PPM1D: variants seen among roughly 807,000 people sequenced by gnomAD.
PPM1D encodes the protein protein phosphatase 1D.
A neutral mutation model predicts 58.3 loss-of-function variants in PPM1D; 52 were observed. That is an observed-to-expected ratio of 0.89 (90% CI 0.71 to 1.12). The LOEUF (loss-of-function observed/expected upper bound fraction) is 1.12. Ranked by LOEUF, PPM1D falls within the 50% of genes most tolerant of loss-of-function variation. The pLI is 0.00. For synonymous variants in PPM1D, 278 were observed against 285.1 expected (o/e 0.98, Z 0.25); for missense variants, 564 against 777.2 (o/e 0.73, Z 3.26).
rs1054037301 is a variant in PPM1D, at chr17:60,665,928, A to T, written c.*2376A>T. 6.6e-6 allele frequency: 1 copy of T among 152,198 alleles called. No individual in the cohort carries two copies. The highest frequency in any genetic ancestry group is 1.5e-5 in the Non-Finnish European group (1 of 68,030). 9.4% of individuals were successfully genotyped at this position (152,198 alleles called of 1,614,324 possible). ...ACCGGAGGGCAAGGAAGAAGCCATG[A>T]TGTTTTTTGTAACCTAGCCTCTGAA... On this transcript the variant is annotated 3_prime_UTR_variant, in exon 6 of 6. Transcript: ENST00000305921.
rs555255010 is a variant in PPM1D, at chr17:60,655,645, C to T, written c.1018-954C>T. 4.0e-5 allele frequency among the ~76,000 whole-genome samples: 6 copies of T among 151,804 alleles called. No individual in the cohort carries two copies. In the South Asian group the frequency reaches 8.3e-4, roughly 21 times the overall value. On this transcript the variant is annotated intron_variant, in intron 4 of 5. Transcript: ENST00000305921. ...TAAAGGCGTGAGCCACCACACCTGG[C>T]TACTTTCTTTTTAAGTAACTTCTTT...
intron 2 of PPM1D, among the ~76,000 whole-genome samples, chr17:60,625,873 A>G (rs982299434): frequency 1.3e-5 from 2 of 152,122 alleles, no homozygotes; most frequent in African/African-American, 4.8e-5. Context: ...GGCGACATTC[A>G]TTTGGTTCAA....
intron 2 of PPM1D, among the ~76,000 whole-genome samples, chr17:60,626,906 G>A (rs2030821878): frequency 6.6e-6 from 1 of 152,020 alleles, no homozygotes; most frequent in Non-Finnish European, 1.5e-5. Context: ...ATATTTAAGA[G>A]CCATTTATAT....
At chr17:60,643,515 A>T (rs2031177086) in intron 3 of PPM1D, among the ~76,000 whole-genome samples, 1 of 152,196 alleles carries the variant, frequency 6.6e-6, no homozygotes, top group African/African-American at 2.4e-5. Flanking sequence ...ATAATAATTG[A>T]TTCATTCAGG....
intron 1 of PPM1D, among the ~76,000 whole-genome samples, chr17:60,621,565 T>C (rs78376422): frequency 7.7e-6 from 1 of 129,154 alleles, no homozygotes; most frequent in Non-Finnish European, 1.5e-5. Context: ...TTTTTTGTAT[T>C]TTTTTTTTTT....
In PPM1D at chr17:60,663,536, CTGTT is replaced by C. The variant is rs745470366; in HGVS notation, c.1806_1809del (p.Cys603PhefsTer21). The C allele has an allele frequency of 5.6e-6, 9 of 1,607,778 alleles. No individual in the cohort carries two copies. Among genetic ancestry groups the C allele is most frequent in the South Asian group, 4.4e-5 (4 of 91,060 alleles). On this transcript the variant is annotated frameshift_variant, in exon 6 of 6. Coordinates refer to ENST00000305921, the MANE Select transcript of PPM1D (RefSeq NM_003620.4). LOFTEE classifies it high-confidence loss of function. ...CCTTTACTTCATCAACACAGGAAAA[CTGTT>C]TGTGTTTGCTGAAATGCATCTGGGA... is the stretch of plus-strand genomic sequence containing the variant.
intron 2 of PPM1D, among the ~76,000 whole-genome samples, chr17:60,633,391 C>G (rs554671794): frequency 1.4e-4 from 21 of 152,082 alleles, no homozygotes; most frequent in Non-Finnish European, 2.2e-4. Flanking sequence ...TTGCTTATAT[C>G]ACAATTTAAT....
intron 3 of PPM1D, among the ~76,000 whole-genome samples, chr17:60,642,352 A>ATTTTTTTTTTT (rs760188816): frequency 8.0e-6 from 1 of 124,876 alleles, no homozygotes; most frequent in Non-Finnish European, 1.7e-5. Context: ...AGAAGAATGG[A>ATTTTTTTTTTT]TTTTTTTTTT....
chr17:60,637,368 A>G (rs2031044943), intron 3 of PPM1D, among the ~76,000 whole-genome samples: 1 of 152,066 alleles, frequency 6.6e-6, no homozygotes, highest in Non-Finnish European at 1.5e-5. Context: ...GGCCTCTCAG[A>G]GTACTGGGAT....
At chr17:60,658,572 CAGG>C (rs2031478818) in intron 5 of PPM1D, among the ~76,000 whole-genome samples, 1 of 150,584 alleles carries the variant, frequency 6.6e-6, no homozygotes, top group East Asian at 2.0e-4. Context: ...CGCTTGAACC[CAGG>C]AGGCGGAGGT....
intron 4 of PPM1D, among the ~76,000 whole-genome samples, chr17:60,652,739 T>C (rs1269782988): frequency 6.6e-6 from 1 of 152,096 alleles, no homozygotes; most frequent in African/African-American, 2.4e-5. Context: ...GTGGTTTTGA[T>C]TTGCATTTCT....
At chr17:60,645,500 A>G (rs12943512) in intron 3 of PPM1D, among the ~76,000 whole-genome samples, 137 of 123,292 alleles carry the variant, frequency 1.1e-3, no homozygotes, top group Non-Finnish European at 1.6e-3. Flanking sequence ...GTGTATGTGT[A>G]TATATATATG....
intron 3 of PPM1D, among the ~76,000 whole-genome samples, chr17:60,645,792 A>G (rs932923335): frequency 1.3e-5 from 2 of 151,262 alleles, no homozygotes; most frequent in Admixed American, 1.3e-4. Context: ...TTTTCACTGT[A>G]TATGTACCCT....
chr17:60,638,888 G>T (rs2031077921), intron 3 of PPM1D, among the ~76,000 whole-genome samples: 1 of 152,142 alleles, frequency 6.6e-6, no homozygotes. Flanking sequence ...AGACACTGAT[G>T]ATAATTACCC....
chr17:60,620,825 G>GT (rs2030685387), intron 1 of PPM1D, among the ~76,000 whole-genome samples: 1 of 152,068 alleles, frequency 6.6e-6, no homozygotes, highest in Non-Finnish European at 1.5e-5. Context: ...ATTTCTTTTG[G>GT]TGGTCATATT....
chr17:60,602,732 G>A (rs1365686199), intron 1 of PPM1D, among the ~76,000 whole-genome samples: 1 of 136,820 alleles, frequency 7.3e-6, no homozygotes, highest in Non-Finnish European at 1.5e-5. Context: ...AAATGTTAAA[G>A]TTTGTTTTGT....
chr17:60,613,621 C>T (rs2030506999), intron 1 of PPM1D, among the ~76,000 whole-genome samples: 1 of 152,206 alleles, frequency 6.6e-6, no homozygotes, highest in South Asian at 2.1e-4. Flanking sequence ...GAGGGAGAGG[C>T]GCGGGTGGGA....
In PPM1D at chr17:60,657,181, A is replaced by AT. The variant is rs139849199; in HGVS notation, c.1260+343dup. The AT allele has an allele frequency of 1.2e-3, 1,148 of 966,754 alleles. 10 individuals carry two copies. The African/African-American group carries it at 0.019, about 16-fold the overall frequency. 59.9% of individuals were successfully genotyped at this position (966,754 alleles called of 1,614,324 possible). ...GCCCAGAAGTAGAGCTAATGTTATT[A>AT]TTTCATTTTATCAGTAATAAGCCTG... On this transcript the variant is annotated intron_variant, in intron 5 of 5. Transcript: ENST00000305921.
intron 1 of PPM1D, among the ~76,000 whole-genome samples, chr17:60,602,393 T>G (rs1455686812): frequency 6.6e-6 from 1 of 152,154 alleles, no homozygotes; most frequent in Non-Finnish European, 1.5e-5. Context: ...TAAAAAATCT[T>G]TAAGGTATAA....
Sources: allele counts gnomAD v4.1 joint callset (sites outside exome capture counted in the v4.1 genomes callset), GRCh38; gene constraint gnomAD v4.1.1; transcripts MANE v1.5; gene names NCBI Gene and HGNC (gene_info 2026-07-23, HGNC 2026-07-21).